Variants in CFAP92 observed in about 807,000 individuals in gnomAD.
CFAP92 encodes the protein cilia and flagella associated protein 92 (putative), also known as uncharacterized protein CFAP92.
A neutral mutation model predicts 106.3 loss-of-function variants in CFAP92; 86 were observed. The observed-to-expected ratio is 0.81, with a 90% CI of 0.68 to 0.97. The LOEUF is 0.97. Ranked by LOEUF, CFAP92 falls within the 50% of genes least tolerant of loss-of-function variation. The pLI is 0.00. For missense variants in CFAP92, 1,204 were observed against 1,283.8 expected, an observed-to-expected ratio of 0.94 and a Z score of 0.95; for synonymous variants, 477 against 506.4, an observed-to-expected ratio of 0.94 and a Z score of 0.78.
chr3:128,952,778 C>T (rs1307094692), intron 9 of CFAP92, among the ~76,000 whole-genome samples: 1 of 151,984 alleles, frequency 6.6e-6, no homozygotes, highest in Non-Finnish European at 1.5e-5. Context: ...AAGACAAGAC[C>T]CCATCTCTTA....
At chr3:128,938,926 C>CA (rs1436551441) in intron 10 of CFAP92, among the ~76,000 whole-genome samples, 3 of 152,112 alleles carry the variant, frequency 2.0e-5, no homozygotes, top group South Asian at 2.1e-4. Flanking sequence ...AGCAATCTCC[C>CA]AAAAAACAAA....
intron 9 of CFAP92, among the ~76,000 whole-genome samples, chr3:128,964,903 T>C (rs1386017264): frequency 2.0e-5 from 3 of 152,078 alleles, no homozygotes; most frequent in East Asian, 1.9e-4. Flanking sequence ...TTTTTGCCGC[T>C]CCAACACTTC....
At chr3:128,931,878 T>A (rs1185366330) in intron 12 of CFAP92, among the ~76,000 whole-genome samples, 2 of 151,594 alleles carry the variant, frequency 1.3e-5, no homozygotes, top group Middle Eastern at 6.3e-3. Flanking sequence ...TAAAAAAAAT[T>A]AACCAGGTGT....
chr3:128,956,838 G>A (rs939893200), intron 9 of CFAP92, among the ~76,000 whole-genome samples: 3 of 151,918 alleles, frequency 2.0e-5, no homozygotes, highest in Non-Finnish European at 2.9e-5. Flanking sequence ...AAATTAGCCA[G>A]GCATGGTGGT....
intron 9 of CFAP92, among the ~76,000 whole-genome samples, chr3:128,960,021 G>C (rs1279628059): frequency 6.6e-6 from 1 of 152,030 alleles, no homozygotes; most frequent in Non-Finnish European, 1.5e-5. Context: ...AAGGTTCTTT[G>C]TAATTCTCCC....
chr3:128,962,423 CTT>C (rs989977717), intron 9 of CFAP92, among the ~76,000 whole-genome samples: 7 of 152,088 alleles, frequency 4.6e-5, no homozygotes, highest in Non-Finnish European at 8.8e-5. Flanking sequence ...TTTATGCACT[CTT>C]TTTTAGTTAT....
At chr3:128,976,573 T>C (rs924710494) in intron 6 of CFAP92, among the ~76,000 whole-genome samples, 31 of 152,204 alleles carry the variant, frequency 2.0e-4, no homozygotes, top group African/African-American at 7.2e-4. Context: ...CAGACCCTTC[T>C]TGGGCTACCA....
In CFAP92 at chr3:128,911,348, G is replaced by A. The variant is rs369311963; in HGVS notation, c.3281-1015C>T. On this transcript the variant is annotated intron_variant, in intron 15 of 15. Transcript: ENST00000645291. ...GCTGGGATTACAGGCATGAGCCACCGCACCGGGCCTGCCAAGGCAATTTTA... is the reference window on the plus strand; with the variant it reads ...GCTGGGATTACAGGCATGAGCCACCACACCGGGCCTGCCAAGGCAATTTTA... 1.5e-4 allele frequency among the ~76,000 whole-genome samples: 23 copies of A among 152,152 alleles called. No individual in the cohort carries two copies. In the East Asian group the frequency reaches 2.1e-3, roughly 14 times the overall value.
At chr3:128,973,401 A>C (rs1942942138) in intron 7 of CFAP92, among the ~76,000 whole-genome samples, 1 of 152,136 alleles carries the variant, frequency 6.6e-6, no homozygotes, top group Non-Finnish European at 1.5e-5. Context: ...TCACACCTGT[A>C]ATCCCAGCAC....
intron 4 of CFAP92, among the ~76,000 whole-genome samples, chr3:128,981,131 G>A: frequency 6.6e-6 from 1 of 151,080 alleles, no homozygotes; most frequent in East Asian, 1.9e-4. Flanking sequence ...CTGCCTCCCA[G>A]GTTCACGCCA....
intron 9 of CFAP92, among the ~76,000 whole-genome samples, chr3:128,948,041 G>A (rs529586291): frequency 1.3e-5 from 2 of 152,244 alleles, no homozygotes; most frequent in East Asian, 1.9e-4. Context: ...AAAAGACACT[G>A]TAAAGAGAAT....
In CFAP92 at chr3:128,945,579, C is replaced by T. The variant is rs1019627075; in HGVS notation, c.1750G>A (p.Val584Ile). ...LLGHKYLNLA[V>I]PIHSCEVQPT... Reference sequence around the variant, plus strand: ...TGAACCTCACAGCTGTGGATGGGGACGGCCAGATTCAAGTACTTGTGGCCA... The same window carrying T: ...TGAACCTCACAGCTGTGGATGGGGATGGCCAGATTCAAGTACTTGTGGCCA... Residue 584 changes from valine (V) to isoleucine (I), a missense_variant, in exon 10 of 16, where the codon GTC becomes ATC. Val to Ile is a conservative substitution (Grantham distance 29). Coordinates refer to ENST00000645291, the MANE Select transcript of CFAP92 (RefSeq NM_001394090.1). 71 of 1,535,980 alleles carry T rather than the reference C, an allele frequency of 4.6e-5. No individual in the cohort carries two copies. The highest frequency in any genetic ancestry group is 7.8e-5 in the Admixed American group (4 of 50,986).
the CFAP92 span, among the ~76,000 whole-genome samples, chr3:129,010,266 G>T: frequency 6.6e-6 from 1 of 152,256 alleles, no homozygotes; most frequent in South Asian, 2.1e-4. The surrounding 1 kb of genome is among the most constrained non-coding windows in gnomAD (Gnocchi z 4.3). Flanking sequence ...TCAACCAGTT[G>T]CCTGGCCTGG....
At chr3:129,000,927 C>T (rs1576678767) in intron 1 of CFAP92, among the ~76,000 whole-genome samples, 1 of 152,248 alleles carries the variant, frequency 6.6e-6, no homozygotes, top group Non-Finnish European at 1.5e-5. Context: ...CTCTCCAAGC[C>T]TGTTTCCCTC....
intron 10 of CFAP92, among the ~76,000 whole-genome samples, chr3:128,937,546 G>A (rs916788269): frequency 6.6e-6 from 1 of 151,890 alleles, no homozygotes; most frequent in Non-Finnish European, 1.5e-5. Flanking sequence ...CTTGCGGTGG[G>A]TGAGCTGAGA....
At chr3:128,987,521 A>G (rs563385768) in intron 4 of CFAP92, 95 bp downstream of exon 4, 6 of 1,101,232 alleles carry the variant, frequency 5.4e-6, no homozygotes, top group African/African-American at 3.1e-5. Flanking sequence ...GCACATGCCA[A>G]TTAGATGAAG....
At chr3:129,009,012 G>C in the CFAP92 span, among the ~76,000 whole-genome samples, 1 of 132,834 alleles carries the variant, frequency 7.5e-6, no homozygotes, top group Non-Finnish European at 1.6e-5. Flanking sequence ...TTGGCGGGGT[G>C]GGGGGCGGGG....
At chr3:128,940,716 C>G (rs978686057) in intron 10 of CFAP92, among the ~76,000 whole-genome samples, 3 of 152,016 alleles carry the variant, frequency 2.0e-5, no homozygotes, top group Admixed American at 6.6e-5. Context: ...TGAACCAATA[C>G]CACACTATCT....
In CFAP92 at chr3:128,985,028, T is replaced by C. The variant is rs147796422; in HGVS notation, c.667+2588A>G. 6.5e-4 allele frequency among the ~76,000 whole-genome samples: 99 copies of C among 152,360 alleles called. 1 individual carries two copies. Among genetic ancestry groups the C allele is most frequent in the African/African-American group, 2.3e-3 (95 of 41,584 alleles). ...ATCATGTGGTTTTAATTTTTTCTCT[T>C]TTTTGCTAGGTGATATCTAAATTGT... On this transcript the variant is annotated intron_variant, in intron 4 of 15. Coordinates refer to ENST00000645291, the MANE Select transcript of CFAP92 (RefSeq NM_001394090.1).
Sources: allele counts gnomAD v4.1 joint callset (sites outside exome capture counted in the v4.1 genomes callset), GRCh38; gene constraint gnomAD v4.1.1; non-coding constraint Gnocchi (gnomAD v3.1); transcripts MANE v1.5; gene names NCBI Gene and HGNC (gene_info 2026-07-23, HGNC 2026-07-21).